The following RMST variants were observed in gnomAD, a reference collection of about 807,000 sequenced individuals.
RMST encodes the protein rhabdomyosarcoma 2 associated transcript.
chr12:97,541,129 A>T (rs1388505279), intron 11 of RMST: 2 of 151,602 alleles, frequency 1.3e-5, no homozygotes, highest in African/African-American at 2.4e-5. Context: ...CTTATTTTCT[A>T]ACAATTTCTA....
intron 10 of RMST, among the ~76,000 whole-genome samples, chr12:97,519,422 C>A (rs1880283291): frequency 6.6e-6 from 1 of 152,164 alleles, no homozygotes. Context: ...TTGGTGACTA[C>A]AACAAAAGCT....
chr12:97,470,720 A>G (rs1310444266), intron 5 of RMST, among the ~76,000 whole-genome samples: 1 of 151,984 alleles, frequency 6.6e-6, no homozygotes, highest in Admixed American at 6.6e-5. Flanking sequence ...TTCCATCACA[A>G]TTCAGGCCTA....
At chr12:97,524,129 C>A (rs767388694) in intron 10 of RMST, among the ~76,000 whole-genome samples, 2 of 141,584 alleles carry the variant, frequency 1.4e-5, no homozygotes, top group African/African-American at 2.6e-5. Context: ...GTTGAATATC[C>A]ATTGTGTTCT....
At chr12:97,510,613 T>C (rs1484839791) in intron 10 of RMST, among the ~76,000 whole-genome samples, 1 of 152,186 alleles carries the variant, frequency 6.6e-6, no homozygotes, top group Non-Finnish European at 1.5e-5. Flanking sequence ...GAAAGGAATG[T>C]TTTCACCAAA....
chr12:97,464,049 A>G (rs902691361), intron 4 of RMST, among the ~76,000 whole-genome samples: 1 of 152,210 alleles, frequency 6.6e-6, no homozygotes, highest in Non-Finnish European at 1.5e-5. Context: ...GAAATCTGCA[A>G]ATGTGTTTTC....
At chr12:97,512,265 C>T (rs1251522237) in intron 10 of RMST, among the ~76,000 whole-genome samples, 3 of 152,102 alleles carry the variant, frequency 2.0e-5, no homozygotes, top group East Asian at 1.9e-4. Context: ...AGCTGCAGAC[C>T]TTTGTGGTGT....
intron 10 of RMST, among the ~76,000 whole-genome samples, chr12:97,502,377 G>A (rs933276623): frequency 6.6e-6 from 1 of 152,170 alleles, no homozygotes; most frequent in African/African-American, 2.4e-5. Flanking sequence ...ATAAAACTCT[G>A]AATACTTGAT....
chr12:97,523,811 C>T (rs1461604360), intron 10 of RMST, among the ~76,000 whole-genome samples: 1 of 152,066 alleles, frequency 6.6e-6, no homozygotes, highest in Admixed American at 6.5e-5. Context: ...GGCGCAGTGG[C>T]TCATGCCTGC....
At chr12:97,535,211 T>G (rs1231415820) in intron 11 of RMST, among the ~76,000 whole-genome samples, 1 of 151,652 alleles carries the variant, frequency 6.6e-6, no homozygotes, top group Non-Finnish European at 1.5e-5. Context: ...ATGTTAACTT[T>G]CCAACTTAAT....
intron 5 of RMST, among the ~76,000 whole-genome samples, chr12:97,478,900 C>T (rs1325853661): frequency 6.6e-6 from 1 of 152,066 alleles, no homozygotes; most frequent in Admixed American, 6.6e-5. Context: ...CAAATTTTCT[C>T]AAATGGAAAA....
In RMST at chr12:97,502,449, T is replaced by C. The variant is rs562359482; in HGVS notation, n.1340+6393T>C. 4.6e-5 allele frequency among the ~76,000 whole-genome samples: 7 copies of C among 152,230 alleles called. No individual in the cohort carries two copies. The South Asian group carries it at 1.4e-3, about 32-fold the overall frequency. The stretch of plus-strand genomic sequence containing the variant: ...CACACAGAGGCAGACATTGAAAATA[T>C]TGTAGCATCTGCTATAATAAATGAT... On this transcript the variant is annotated intron_variant and non_coding_transcript_variant, in intron 10 of 13. Transcript: ENST00000640149.
At chr12:97,475,295 G>A (rs563914346) in intron 5 of RMST, among the ~76,000 whole-genome samples, 41 of 152,208 alleles carry the variant, frequency 2.7e-4, no homozygotes, top group African/African-American at 6.3e-4. Flanking sequence ...TAGTATTTGC[G>A]CATACACTTT....
intron 10 of RMST, among the ~76,000 whole-genome samples, chr12:97,501,332 A>C (rs141919697): frequency 6.6e-6 from 1 of 152,152 alleles, no homozygotes; most frequent in Non-Finnish European, 1.5e-5. Context: ...TTAACAATAT[A>C]CCCACAGGAA....
intron 11 of RMST, among the ~76,000 whole-genome samples, chr12:97,560,115 C>T (rs952336360): frequency 4.6e-5 from 7 of 151,982 alleles, no homozygotes; most frequent in African/African-American, 1.5e-4. Flanking sequence ...TAATAATTAT[C>T]CCTCTAATTT....
chr12:97,472,844 T>C (rs1874088614), intron 5 of RMST, among the ~76,000 whole-genome samples: 1 of 152,140 alleles, frequency 6.6e-6, no homozygotes. Context: ...CAATTATTAT[T>C]ATAACTTCGG....
chr12:97,555,886 G>T (rs995477956), intron 11 of RMST, among the ~76,000 whole-genome samples: 1 of 152,186 alleles, frequency 6.6e-6, no homozygotes, highest in Non-Finnish European at 1.5e-5. Context: ...TTACCGGCTG[G>T]CTTCAAATTT....
At chr12:97,545,496 C>A (rs1362810109) in intron 11 of RMST, among the ~76,000 whole-genome samples, 1 of 151,948 alleles carries the variant, frequency 6.6e-6, no homozygotes, top group Non-Finnish European at 1.5e-5. Flanking sequence ...CCTCAGAGAA[C>A]AATTTTTTTA....
chr12:97,468,095 C>T (rs1335639988), intron 5 of RMST, among the ~76,000 whole-genome samples: 2 of 151,970 alleles, frequency 1.3e-5, no homozygotes, highest in African/African-American at 4.8e-5. Flanking sequence ...TACTGTTCTA[C>T]CTTGTTGGCA....
At chr12:97,525,218 T>A (rs1229072184) in intron 10 of RMST, among the ~76,000 whole-genome samples, 1 of 152,204 alleles carries the variant, frequency 6.6e-6, no homozygotes, top group East Asian at 1.9e-4. Context: ...ATACCAACAT[T>A]TTGATGTTTA....
Sources: allele counts gnomAD v4.1 joint callset (sites outside exome capture counted in the v4.1 genomes callset), GRCh38; gene constraint gnomAD v4.1.1; transcripts MANE v1.5; gene names NCBI Gene and HGNC (gene_info 2026-07-23, HGNC 2026-07-21).